Variants in RASA1 observed in about 807,000 individuals in gnomAD.
RASA1 encodes RAS p21 protein activator 1.
RASA1 carries 25 observed loss-of-function variants against 132.2 expected under a neutral mutation model. The observed-to-expected ratio is 0.19, with a 90% CI of 0.14 to 0.26. RASA1 has a LOEUF of 0.26. Ranked by LOEUF, RASA1 falls within the 10% of genes least tolerant of loss-of-function variation. RASA1 has a pLI of 1.00. For missense variants in RASA1, 964 were observed against 1,299.2 expected, an observed-to-expected ratio of 0.74 and a Z score of 3.97; for synonymous variants, 477 against 449.9, an observed-to-expected ratio of 1.06 and a Z score of -0.76.
chr5:87,341,081 C>T (rs909923823), intron 5 of RASA1, among the ~76,000 whole-genome samples: 1 of 150,700 alleles, frequency 6.6e-6, no homozygotes, highest in Non-Finnish European at 1.5e-5. Flanking sequence ...TAAGAAAAGT[C>T]GATAAGAGGG....
intron 1 of RASA1, among the ~76,000 whole-genome samples, chr5:87,278,707 T>C (rs900393983): frequency 6.6e-6 from 1 of 152,140 alleles, no homozygotes; most frequent in African/African-American, 2.4e-5. Flanking sequence ...TTTACATATA[T>C]TCATTTGTGT....
At position 87,337,990 on chromosome 5, in the gene RASA1, A is replaced by G. The variant is rs751601332; in HGVS notation, c.916A>G (p.Met306Val). 1.2e-6 allele frequency: 2 copies of G among 1,609,192 alleles called. No individual in the cohort carries two copies. The highest frequency in any genetic ancestry group is 2.2e-5 in the East Asian group (1 of 44,548). ...TDEISFLKGD[M>V]FIVHNELEDG... ...TATTTTCAGTTTCTTAAAAGGAGAT[A>G]TGTTCATTGTTCATAATGAATTAGA... The change falls in exon 5 of 25, where the codon ATG becomes GTG. Residue 306 changes from methionine (M) to valine (V), a missense_variant. Physicochemically the swap from Met to Val is conservative, Grantham distance 21 (BLOSUM62 1). Around this residue, in one of 6 missense-constraint regions of RASA1, gnomAD observed 154 missense variants for 286.5 expected, o/e 0.54. Coordinates refer to ENST00000274376, the MANE Select transcript of RASA1 (RefSeq NM_002890.3).
intron 1 of RASA1, among the ~76,000 whole-genome samples, chr5:87,280,401 C>T (rs1453518897): frequency 1.3e-5 from 2 of 152,104 alleles, no homozygotes; most frequent in African/African-American, 2.4e-5. Context: ...CAACTTCCAC[C>T]TTCCAGGTTC....
intron 1 of RASA1, among the ~76,000 whole-genome samples, chr5:87,288,507 C>T (rs1008298801): frequency 2.0e-5 from 3 of 152,182 alleles, no homozygotes; most frequent in Admixed American, 2.0e-4. Flanking sequence ...CTTGGTAATA[C>T]TGGCTTATTT....
intron 1 of RASA1, among the ~76,000 whole-genome samples, chr5:87,278,392 A>G (rs1266783128): frequency 6.3e-5 from 7 of 111,466 alleles, no homozygotes; most frequent in Non-Finnish European, 9.0e-5. Context: ...TAAAAATACA[A>G]AAAAAAAAAA....
intron 1 of RASA1, 58 bp downstream of exon 1, chr5:87,269,048 A>G (rs1373715391): frequency 1.2e-6 from 2 of 1,614,202 alleles, no homozygotes; most frequent in Admixed American, 3.3e-5. Context: ...AGAAGTGGAA[A>G]TGAAGGGGTA....
chr5:87,273,018 T>G (rs1006766865), intron 1 of RASA1, among the ~76,000 whole-genome samples: 2 of 152,186 alleles, frequency 1.3e-5, no homozygotes, highest in African/African-American at 4.8e-5. Flanking sequence ...GGGGTTTAGG[T>G]CACAGGATTG....
At chr5:87,363,886 A>C (rs1215675739) in intron 11 of RASA1, among the ~76,000 whole-genome samples, 1 of 152,138 alleles carries the variant, frequency 6.6e-6, no homozygotes, top group Non-Finnish European at 1.5e-5. Flanking sequence ...GTTCTTAAGA[A>C]AGTTAATGTT....
intron 1 of RASA1, among the ~76,000 whole-genome samples, chr5:87,312,186 C>T (rs1377161263): frequency 6.6e-6 from 1 of 152,156 alleles, no homozygotes; most frequent in East Asian, 1.9e-4. Context: ...TACATGTGGT[C>T]AGATTCTACA....
Position 87,268,769 on chromosome 5 carries a change from T to C in RASA1, c.318T>C (p.Ala106=), listed in dbSNP as rs1753686148. 2 of 1,613,808 alleles carry C rather than the reference T, an allele frequency of 1.2e-6. No homozygotes were observed. Among genetic ancestry groups the C allele is most frequent in the African/African-American group, 1.3e-5 (1 of 74,916 alleles). ...CTGCTGCTGGCGTGGCCGGTGCTGC[T>C]GTTGCTGGACCTAGTGGAGACATGG... ...AGAAAGVAGA[A]VAGPSGDMAL... Residue 106 remains alanine, a synonymous_variant, in exon 1 of 25, where the codon GCT becomes GCC. Transcript: ENST00000274376.
At chr5:87,354,960 C>T (rs1445901393) in intron 9 of RASA1, among the ~76,000 whole-genome samples, 1 of 152,098 alleles carries the variant, frequency 6.6e-6, no homozygotes, top group African/African-American at 2.4e-5. Flanking sequence ...CTCTTCTATT[C>T]TGTGAAGGCT....
At chr5:87,271,733 C>T (rs1238864610) in intron 1 of RASA1, among the ~76,000 whole-genome samples, 4 of 151,772 alleles carry the variant, frequency 2.6e-5, no homozygotes, top group African/African-American at 9.7e-5. Flanking sequence ...CCACTTGCCT[C>T]CCGAAGTGCT....
In RASA1 at chr5:87,378,501, C is replaced by G. The variant is rs1236053304; in HGVS notation, c.2450C>G (p.Ser817Cys). ...TTTGTTCATCATGCTTTGAAAGACT[C>G]TATTTTAAAGATAATGGAAAGCAAG... is the stretch of plus-strand genomic sequence containing the variant. ...TQFVHHALKD[S>C]ILKIMESKQS... Residue 817 changes from serine to cysteine, a missense_variant, in exon 18 of 25, where the codon TCT becomes TGT. Physicochemically the swap from Ser to Cys is moderately radical, Grantham distance 112. This residue lies in a region of RASA1 where 346 missense variants were observed against 520.1 expected (regional missense o/e 0.67). Coordinates refer to ENST00000274376, the MANE Select transcript of RASA1 (RefSeq NM_002890.3). The G allele has an allele frequency of 6.2e-7, 1 of 1,611,522 alleles. No individual in the cohort carries two copies. The highest frequency in any genetic ancestry group is 8.5e-7 in the Non-Finnish European group (1 of 1,177,822).
chr5:87,338,536 A>ATATATATATATATATTTTTTTTTTTT, intron 5 of RASA1, among the ~76,000 whole-genome samples: 1 of 85,214 alleles, frequency 1.2e-5, no homozygotes, highest in African/African-American at 4.4e-5. Flanking sequence ...TATATATAAA[A>ATATATATATATATATTTTTTTTTTTT]TTTTTTTTTT....
chr5:87,344,418 CTGT>C lies in RASA1; in HGVS notation c.1050-2252_1050-2250del, dbSNP rs532191182. On this transcript the variant is annotated intron_variant, in intron 6 of 24. Coordinates refer to ENST00000274376, the MANE Select transcript of RASA1 (RefSeq NM_002890.3). ...ACCTTAGCAGAGCCTAAAAAATGAT[CTGT>C]TATCTGGTTATTTTGTCGTTTACTA... 2.3e-4 allele frequency among the ~76,000 whole-genome samples: 35 copies of C among 152,192 alleles called. No homozygotes were observed. The South Asian group carries it at 6.0e-3, about 26-fold the overall frequency.
intron 15 of RASA1, among the ~76,000 whole-genome samples, chr5:87,375,178 A>G (rs746718468): frequency 2.0e-5 from 3 of 152,164 alleles, no homozygotes; most frequent in Non-Finnish European, 4.4e-5. Context: ...TCTCCAATGA[A>G]TAGGAAGAAT....
intron 1 of RASA1, among the ~76,000 whole-genome samples, chr5:87,275,831 GTGC>G (rs1754040046): frequency 6.6e-6 from 1 of 152,170 alleles, no homozygotes; most frequent in Non-Finnish European, 1.5e-5. Context: ...GCCTCCCAAA[GTGC>G]TGCGATTACA....
At chr5:87,311,431 A>G (rs1224227004) in intron 1 of RASA1, among the ~76,000 whole-genome samples, 1 of 152,250 alleles carries the variant, frequency 6.6e-6, no homozygotes, top group African/African-American at 2.4e-5. Flanking sequence ...CCTCAGGTTC[A>G]GTGATTTTCT....
chr5:87,271,350 T>A (rs565265545), intron 1 of RASA1, among the ~76,000 whole-genome samples: 1 of 150,752 alleles, frequency 6.6e-6, no homozygotes, highest in African/African-American at 2.4e-5. Context: ...TGAAAAACAA[T>A]GCAACTTTTC....
Sources: gnomAD v4.1 joint callset for allele counts (sites outside exome capture counted in the v4.1 genomes callset) on GRCh38, gnomAD v4.1.1 for gene constraint, gnomAD v4.1.1 regional missense constraint, MANE v1.5 for transcripts, NCBI Gene and HGNC (gene_info 2026-07-23, HGNC 2026-07-21) for gene names.